GRIK4: variants seen among roughly 807,000 people sequenced by gnomAD.
GRIK4 encodes the protein glutamate ionotropic receptor kainate type subunit 4, also known as glutamate receptor ionotropic, kainate 4.
A neutral mutation model predicts 104.9 loss-of-function variants in GRIK4; 40 were observed. The ratio of observed to expected loss-of-function variants is 0.38; its 90% CI spans 0.30 to 0.50. GRIK4 has a LOEUF of 0.50. Among genes scored for constraint, GRIK4 ranks in the 20% least tolerant of loss-of-function variants. GRIK4 has a pLI of 0.93. For synonymous variants in GRIK4, 485 were observed against 524.9 expected (o/e 0.92, Z 1.04); for missense variants, 1,047 against 1,308.1 (o/e 0.80, Z 3.08).
intron 3 of GRIK4, among the ~76,000 whole-genome samples, chr11:120,789,025 C>G (rs1472775626): frequency 3.3e-5 from 5 of 151,936 alleles, no homozygotes; most frequent in Non-Finnish European, 1.5e-5. Flanking sequence ...ACCATTGCTT[C>G]TCAGTCTTTT....
intron 13 of GRIK4, among the ~76,000 whole-genome samples, chr11:120,917,568 C>T (rs995618937): frequency 6.6e-6 from 1 of 152,208 alleles, no homozygotes; most frequent in Non-Finnish European, 1.5e-5. Flanking sequence ...CGTGCAGGTG[C>T]GCTGCTTAAA....
In GRIK4 at chr11:120,956,959, G is replaced by T; in HGVS notation, c.1874+6G>T. 4 of 1,588,282 alleles carry T rather than the reference G, an allele frequency of 2.5e-6. No homozygotes were observed. The highest frequency in any genetic ancestry group is 2.3e-5 in the East Asian group (1 of 43,964). ...CGCTGTGTCAGTGGCGTCTGGTAAG[G>T]CCCCAGGCAGAGGTGAACCAGGCCA... On this transcript the variant is annotated splice_donor_region_variant and intron_variant, in intron 16 of 20. Transcript: ENST00000527524. The surrounding 1 kb of genome is among the most constrained non-coding windows in gnomAD (Gnocchi z 4.6).
intron 3 of GRIK4, among the ~76,000 whole-genome samples, chr11:120,742,490 C>T (rs2508807): frequency 0.45 from 67,848 of 150,570 alleles, 16,413 homozygotes; most frequent in Middle Eastern, 0.59. Flanking sequence ...CCATCTCACA[C>T]GTTTCAGAAT....
chr11:120,784,955 C>T (rs538265226), intron 3 of GRIK4, among the ~76,000 whole-genome samples: 9 of 152,154 alleles, frequency 5.9e-5, no homozygotes, highest in Admixed American at 2.0e-4. Context: ...TGAATTATCC[C>T]GGACAATGAA....
chr11:120,746,039 A>G (rs1951432949), intron 3 of GRIK4, among the ~76,000 whole-genome samples: 1 of 152,068 alleles, frequency 6.6e-6, no homozygotes, highest in Non-Finnish European at 1.5e-5. Context: ...CCTGGGTGAA[A>G]TGGGACCATC....
intron 6 of GRIK4, among the ~76,000 whole-genome samples, chr11:120,822,877 AGTTT>A (rs758530345): frequency 6.6e-6 from 1 of 152,194 alleles, no homozygotes; most frequent in Non-Finnish European, 1.5e-5. Context: ...CTTTCAAATA[AGTTT>A]GACCATGAGC....
At chr11:120,863,897 A>G (rs1180184525) in intron 9 of GRIK4, among the ~76,000 whole-genome samples, 2 of 152,206 alleles carry the variant, frequency 1.3e-5, no homozygotes, top group Non-Finnish European at 2.9e-5. Context: ...GAGCTCATGG[A>G]AAACTCAGGA....
At chr11:120,740,377 C>T (rs751132959) in intron 3 of GRIK4, among the ~76,000 whole-genome samples, 8 of 152,182 alleles carry the variant, frequency 5.3e-5, no homozygotes, top group Non-Finnish European at 7.3e-5. Context: ...CCCTCCTTCC[C>T]TCACCCCCGC....
chr11:120,877,996 A>G (rs2135694814), intron 11 of GRIK4, among the ~76,000 whole-genome samples: 1 of 152,318 alleles, frequency 6.6e-6, no homozygotes, highest in Admixed American at 6.5e-5. Context: ...CTTCACCTTT[A>G]TTCTGCTTCT....
chr11:120,980,340 A>C (rs765771835), intron 19 of GRIK4, among the ~76,000 whole-genome samples: 2 of 152,182 alleles, frequency 1.3e-5, no homozygotes, highest in Non-Finnish European at 2.9e-5. Flanking sequence ...TCCGTGTTGC[A>C]CAGATACACA....
At chr11:120,632,528 C>T (rs1591755361) in intron 1 of GRIK4, among the ~76,000 whole-genome samples, 1 of 152,162 alleles carries the variant, frequency 6.6e-6, no homozygotes, top group South Asian at 2.1e-4. Flanking sequence ...CTGTGCTTCC[C>T]GTTTCCAGGT....
intron 3 of GRIK4, among the ~76,000 whole-genome samples, chr11:120,741,544 C>T (rs1256779624): frequency 1.3e-5 from 2 of 152,158 alleles, no homozygotes; most frequent in Non-Finnish European, 2.9e-5. Context: ...TCCCAAAGTG[C>T]TGGGATTACA....
chr11:120,569,788 A>G (rs1445281594), intron 1 of GRIK4, among the ~76,000 whole-genome samples: 1 of 151,786 alleles, frequency 6.6e-6, no homozygotes, highest in African/African-American at 2.4e-5. Context: ...GAACAGTGGT[A>G]GCCCCTATGT....
intron 1 of GRIK4, among the ~76,000 whole-genome samples, chr11:120,538,060 A>G (rs2136085793): frequency 6.6e-6 from 1 of 152,376 alleles, no homozygotes; most frequent in South Asian, 2.1e-4. Context: ...TCACAGCCAC[A>G]GACTTTCTTA....
rs1028411760 is a variant in GRIK4, at chr11:120,988,428, A to T, written c.*2168A>T. 2.0e-5 allele frequency: 3 copies of T among 151,612 alleles called. No homozygotes were observed. Among genetic ancestry groups the T allele is most frequent in the Non-Finnish European group, 1.5e-5 (1 of 68,018 alleles). 9.4% of individuals were successfully genotyped at this position (151,612 alleles called of 1,614,324 possible). On this transcript the variant is annotated 3_prime_UTR_variant, in exon 21 of 21. Coordinates refer to ENST00000527524, the MANE Select transcript of GRIK4 (RefSeq NM_014619.5). The stretch of plus-strand genomic sequence containing the variant: ...TTTGGGGCGGGAAGGGTGGTTTTTT[A>T]AAAAAACTCGTTTTTATGAGCAGGC...
Position 120,902,801 on chromosome 11 carries a change from G to A in GRIK4, c.1273-2489G>A, listed in dbSNP as rs1452056476. ...GCGGACAAAGATGACTAGGTGAGGT[G>A]GAAGATGGGGGAGTGTGTGGAGAGT... On this transcript the variant is annotated intron_variant, in intron 12 of 20. Coordinates refer to ENST00000527524, the MANE Select transcript of GRIK4 (RefSeq NM_014619.5). The surrounding 1 kb of genome is among the most constrained non-coding windows in gnomAD (Gnocchi z 4.5). Among the ~76,000 whole-genome samples the A allele has an allele frequency of 2.0e-5, 3 of 152,138 alleles. No homozygotes were observed. The highest frequency in any genetic ancestry group is 7.2e-5 in the African/African-American group (3 of 41,394).
At chr11:120,803,520 C>A (rs1375377813) in intron 4 of GRIK4, among the ~76,000 whole-genome samples, 2 of 152,166 alleles carry the variant, frequency 1.3e-5, no homozygotes, top group East Asian at 3.8e-4. Flanking sequence ...TCACTGCAAC[C>A]TCTGCCTCCC....
At chr11:120,823,511 C>T (rs1355565811) in intron 6 of GRIK4, among the ~76,000 whole-genome samples, 9 of 152,156 alleles carry the variant, frequency 5.9e-5, no homozygotes, top group Admixed American at 3.9e-4. Context: ...TATTAAGGGA[C>T]GCCAGGTCGC....
intron 1 of GRIK4, among the ~76,000 whole-genome samples, chr11:120,649,879 A>C (rs1184455660): frequency 6.6e-6 from 1 of 152,062 alleles, no homozygotes; most frequent in Non-Finnish European, 1.5e-5. Flanking sequence ...CTCTGTGGGC[A>C]CCCCTTCTGC....
Sources: allele counts gnomAD v4.1 joint callset (sites outside exome capture counted in the v4.1 genomes callset), GRCh38; gene constraint gnomAD v4.1.1; non-coding constraint Gnocchi (gnomAD v3.1); transcripts MANE v1.5; gene names NCBI Gene and HGNC (gene_info 2026-07-23, HGNC 2026-07-21).